SDCCAG8: variants seen among roughly 807,000 people sequenced by gnomAD.
SDCCAG8 encodes the protein serologically defined colon cancer antigen 8.
Under a neutral mutation model 101.8 loss-of-function variants are expected in SDCCAG8, and 74 were observed. The ratio of observed to expected loss-of-function variants is 0.73; its 90% CI spans 0.60 to 0.88. The LOEUF (loss-of-function observed/expected upper bound fraction) is 0.88. Ranked by LOEUF, SDCCAG8 falls within the 40% of genes least tolerant of loss-of-function variation. The pLI is 0.00. For synonymous variants in SDCCAG8, 281 were observed against 292.9 expected, an observed-to-expected ratio of 0.96 and a Z score of 0.41; for missense variants, 787 against 822.6, an observed-to-expected ratio of 0.96 and a Z score of 0.53.
intron 12 of SDCCAG8, among the ~76,000 whole-genome samples, chr1:243,347,568 C>A: frequency 6.6e-6 from 1 of 152,086 alleles, no homozygotes; most frequent in East Asian, 1.9e-4. Context: ...TTATAAAATG[C>A]CTCATTGTCA....
intron 15 of SDCCAG8, among the ~76,000 whole-genome samples, chr1:243,425,852 C>T (rs930507447): frequency 2.6e-5 from 4 of 152,120 alleles, no homozygotes; most frequent in Admixed American, 6.5e-5. Context: ...CCTGCATGGA[C>T]GGCAATCTGC....
At chr1:243,419,880 T>C (rs937464919) in intron 15 of SDCCAG8, among the ~76,000 whole-genome samples, 1 of 152,204 alleles carries the variant, frequency 6.6e-6, no homozygotes, top group Non-Finnish European at 1.5e-5. Flanking sequence ...GGCCCTCTTT[T>C]TCCTCCTCTA....
intron 1 of SDCCAG8, among the ~76,000 whole-genome samples, chr1:243,258,581 T>C (rs972602911): frequency 7.9e-5 from 12 of 152,142 alleles, no homozygotes; most frequent in African/African-American, 1.2e-4. Context: ...ATTTTTGTAT[T>C]TTTAGTAGAG....
intron 13 of SDCCAG8, among the ~76,000 whole-genome samples, chr1:243,397,337 A>G (rs1259522994): frequency 6.6e-6 from 1 of 152,224 alleles, no homozygotes; most frequent in Non-Finnish European, 1.5e-5. Context: ...ACCATCCAGT[A>G]TAGATATTTG....
At chr1:243,319,070 C>T (rs1391268212) in intron 9 of SDCCAG8, among the ~76,000 whole-genome samples, 1 of 152,108 alleles carries the variant, frequency 6.6e-6, no homozygotes, top group Non-Finnish European at 1.5e-5. Context: ...GGGAGCAAGC[C>T]TCACAAGGGA....
chr1:243,456,176 A>G (rs2083737705), intron 16 of SDCCAG8, among the ~76,000 whole-genome samples: 2 of 152,046 alleles, frequency 1.3e-5, no homozygotes, highest in African/African-American at 4.8e-5. Context: ...CTTTCTCCTC[A>G]GTTTTCTCTC....
intron 16 of SDCCAG8, among the ~76,000 whole-genome samples, chr1:243,480,314 T>C (rs1186269868): frequency 7.8e-6 from 1 of 127,954 alleles, no homozygotes; most frequent in African/African-American, 3.0e-5. Context: ...GTGGGATGGA[T>C]GGATGGGTGG....
intron 12 of SDCCAG8, among the ~76,000 whole-genome samples, chr1:243,355,771 A>G (rs1198750052): frequency 6.6e-6 from 1 of 151,920 alleles, no homozygotes; most frequent in African/African-American, 2.4e-5. Flanking sequence ...ACACCCGGCT[A>G]ATTCTTTTTG....
In SDCCAG8 at chr1:243,350,294, T is replaced by C. The variant is rs889082201; in HGVS notation, c.1473+5963T>C. 4.6e-5 allele frequency among the ~76,000 whole-genome samples: 7 copies of C among 152,036 alleles called. No individual in the cohort carries two copies. In the East Asian group the frequency reaches 1.3e-3, roughly 29 times the overall value. On this transcript the variant is annotated intron_variant, in intron 12 of 17. Coordinates refer to ENST00000366541, the MANE Select transcript of SDCCAG8 (RefSeq NM_006642.5). ...TGCAATCTCGGTTCACTGCAACCTC[T>C]GCCTCCCAGGTTCTAGCAATTCTCC...
At chr1:243,398,509 G>A (rs137884828) in intron 13 of SDCCAG8, among the ~76,000 whole-genome samples, 120 of 152,054 alleles carry the variant, frequency 7.9e-4, no homozygotes, top group Admixed American at 1.5e-3. Context: ...ACTTGTTAAG[G>A]AATTTTTATC....
rs905347134 is a variant in SDCCAG8 at position 243,474,123 on chromosome 1, C to A, written c.1986-14891C>A. ...TCATGATCACTGACAAACAATGATT[C>A]ATTGGTTTACAAATAAGGAATTAAA... On this transcript the variant is annotated intron_variant, in intron 16 of 17. Transcript: ENST00000366541. The surrounding 1 kb of genome is among the most constrained non-coding windows in gnomAD (Gnocchi z 4.7). Among the ~76,000 whole-genome samples the A allele has an allele frequency of 6.6e-6, 1 of 151,960 alleles. No homozygotes were observed. Among genetic ancestry groups the A allele is most frequent in the African/African-American group, 2.4e-5 (1 of 41,346 alleles).
At chr1:243,488,308 G>A (rs566813880) in intron 16 of SDCCAG8, 11 of 152,690 alleles carry the variant, frequency 7.2e-5, no homozygotes, top group African/African-American at 2.6e-4. Context: ...CGTGCCTGCT[G>A]GTGCTTTTGA....
intron 13 of SDCCAG8, among the ~76,000 whole-genome samples, chr1:243,379,138 C>G (rs1192998962): frequency 6.6e-6 from 1 of 152,076 alleles, no homozygotes; most frequent in Non-Finnish European, 1.5e-5. Context: ...ACATATTTCT[C>G]CTACCACCAC....
chr1:243,476,232 G>T, intron 16 of SDCCAG8: 2 of 985,468 alleles, frequency 2.0e-6, no homozygotes, highest in Non-Finnish European at 2.4e-6. Flanking sequence ...AAGGGTCAGC[G>T]GGGAGGCTGC....
At chr1:243,291,763 A>T (rs1231183355) in intron 5 of SDCCAG8, among the ~76,000 whole-genome samples, 1 of 152,158 alleles carries the variant, frequency 6.6e-6, no homozygotes, top group Non-Finnish European at 1.5e-5. Flanking sequence ...CCAGTGATTC[A>T]ATTCAATTCT....
intron 12 of SDCCAG8, among the ~76,000 whole-genome samples, chr1:243,347,003 T>C (rs1248607638): frequency 1.3e-5 from 2 of 152,068 alleles, no homozygotes; most frequent in African/African-American, 4.8e-5. Flanking sequence ...CCATCACTCA[T>C]CATTTTGCCA....
chr1:243,268,003 A>T, intron 1 of SDCCAG8: 3 of 779,646 alleles, frequency 3.8e-6, no homozygotes, highest in Non-Finnish European at 7.2e-6. Flanking sequence ...ACGCGCTGGG[A>T]TCCTTCTTTT....
chr1:243,388,156 G>T (rs2078436929), intron 13 of SDCCAG8, among the ~76,000 whole-genome samples: 1 of 152,188 alleles, frequency 6.6e-6, no homozygotes, highest in South Asian at 2.1e-4. Flanking sequence ...TCCAGGTGCA[G>T]CTGGACTCAG....
intron 8 of SDCCAG8, among the ~76,000 whole-genome samples, chr1:243,314,040 TTGC>T (rs538327889): frequency 8.5e-4 from 129 of 152,310 alleles, no homozygotes; most frequent in African/African-American, 2.5e-3. Flanking sequence ...GTGGGGTTGC[TTGC>T]TGCTATTTGT....
Sources: allele counts gnomAD v4.1 joint callset (sites outside exome capture counted in the v4.1 genomes callset), GRCh38; gene constraint gnomAD v4.1.1; non-coding constraint Gnocchi (gnomAD v3.1); transcripts MANE v1.5; gene names NCBI Gene and HGNC (gene_info 2026-07-23, HGNC 2026-07-21).